The following TCF20 variants were observed in gnomAD, a reference collection of about 807,000 sequenced individuals.
TCF20 encodes the protein transcription factor 20.
In TCF20, 3 loss-of-function variants were observed where a neutral mutation model predicts 148.6. That is an observed-to-expected ratio of 0.02 (90% CI 0.01 to 0.05). The LOEUF is 0.05. TCF20 is among the 10% of genes least tolerant of loss of function. The pLI is 1.00. For missense variants in TCF20, 2,350 were observed against 2,429.3 expected, an observed-to-expected ratio of 0.97 and a Z score of 0.69; for synonymous variants, 1,049 against 909.5, an observed-to-expected ratio of 1.15 and a Z score of -2.76.
At position 42,174,849 on chromosome 22, in the gene TCF20, C is replaced by T. The variant is rs916315047; in HGVS notation, c.5749+4760G>A. ...AGGAGATCGAGACCATCCCGGCTAA[C>T]ACGGTGAAACCCCGTCTCTACTAAA... On this transcript the variant is annotated intron_variant, in intron 3 of 5. Transcript: ENST00000677622. Among the ~76,000 whole-genome samples, 4 of 152,064 alleles carry T rather than the reference C, an allele frequency of 2.6e-5. No homozygotes were observed. The East Asian group carries it at 7.8e-4, about 30-fold the overall frequency.
intron 3 of TCF20, among the ~76,000 whole-genome samples, chr22:42,176,690 C>A (rs755784955): frequency 7.9e-5 from 12 of 152,184 alleles, no homozygotes; most frequent in Admixed American, 3.9e-4. Flanking sequence ...GTCTTAGATA[C>A]ATCTAATGCT....
Position 42,214,367 on chromosome 22 carries a change from C to T in TCF20, c.939G>A (p.Gln313=), listed in dbSNP as rs1252519239. Residue 313 remains glutamine, a synonymous_variant, in exon 2 of 6, where the codon CAG becomes CAA. Transcript: ENST00000677622. The part of the protein sequence containing the change: ...AKIPQGTQQG[Q]QQQQPQQQQH... ...GTTGTTGCTGCGGTTGCTGCTGCTGCTGCCCCTGTTGGGTCCCTTGTGGAA... is the reference window on the plus strand; with the variant it reads ...GTTGTTGCTGCGGTTGCTGCTGCTGTTGCCCCTGTTGGGTCCCTTGTGGAA... 1.2e-6 allele frequency: 2 copies of T among 1,614,228 alleles called. No homozygotes were observed. The highest frequency in any genetic ancestry group is 1.7e-6 in the Non-Finnish European group (2 of 1,180,042).
intron 1 of TCF20, among the ~76,000 whole-genome samples, chr22:42,238,788 T>C (rs1053898713): frequency 1.3e-3 from 194 of 152,360 alleles, no homozygotes; most frequent in African/African-American, 4.4e-3. Context: ...CGCCGTCTTA[T>C]ATGGGAGTGC....
intron 1 of TCF20, among the ~76,000 whole-genome samples, chr22:42,241,297 C>T (rs751881422): frequency 6.6e-6 from 1 of 152,098 alleles, no homozygotes; most frequent in Non-Finnish European, 1.5e-5. Flanking sequence ...GAACAAAGTA[C>T]CATGAGTAAG....
intron 1 of TCF20, among the ~76,000 whole-genome samples, chr22:42,311,293 C>A (rs1263798070): frequency 6.6e-6 from 1 of 152,222 alleles, no homozygotes; most frequent in Non-Finnish European, 1.5e-5. Flanking sequence ...GGCACCAGGC[C>A]CAGGCCCAAG....
intron 1 of TCF20, among the ~76,000 whole-genome samples, chr22:42,224,195 G>C (rs1922635020): frequency 6.6e-6 from 1 of 152,128 alleles, no homozygotes; most frequent in Non-Finnish European, 1.5e-5. Flanking sequence ...TTCCTGGCCA[G>C]GCGCAGTGGC....
At chr22:42,200,895 C>A (rs1312424487) in intron 2 of TCF20, among the ~76,000 whole-genome samples, 1 of 152,150 alleles carries the variant, frequency 6.6e-6, no homozygotes, top group East Asian at 1.9e-4. Flanking sequence ...TTGCACTGCC[C>A]GTAAATTAAA....
chr22:42,246,849 C>T (rs1724203130), intron 1 of TCF20, among the ~76,000 whole-genome samples: 1 of 151,572 alleles, frequency 6.6e-6, no homozygotes, highest in Admixed American at 6.6e-5. Flanking sequence ...GCCTGTAATC[C>T]CAGCTACTTG....
chr22:42,207,526 T>G (rs540971157), intron 2 of TCF20, among the ~76,000 whole-genome samples: 1 of 152,186 alleles, frequency 6.6e-6, no homozygotes, highest in South Asian at 2.1e-4. Context: ...CTTAAAAATA[T>G]AAATCAAGGC....
chr22:42,178,012 G>A (rs576931926), intron 3 of TCF20, among the ~76,000 whole-genome samples: 3 of 152,062 alleles, frequency 2.0e-5, no homozygotes, highest in African/African-American at 7.2e-5. Flanking sequence ...AAGGACAGAG[G>A]GGGTGAAGAT....
rs968030412 is a variant in TCF20 at position 42,317,441 on chromosome 22, C to G, written c.-37+26038G>C. On this transcript the variant is annotated intron_variant, in intron 1 of 1. Coordinates refer to the TCF20 transcript ENST00000515426. The surrounding 1 kb of genome is among the most constrained non-coding windows in gnomAD (Gnocchi z 4.2). ...GATTTAAACACAGATGACGGAAAAT[C>G]TCCTTTTCCTCCCACTATGTCTGGC... Among the ~76,000 whole-genome samples, 17 of 152,196 alleles carry G rather than the reference C, an allele frequency of 1.1e-4. No individual in the cohort carries two copies. Among genetic ancestry groups the G allele is most frequent in the Non-Finnish European group, 2.1e-4 (14 of 68,030 alleles).
intron 1 of TCF20, among the ~76,000 whole-genome samples, chr22:42,245,889 A>G (rs1924860624): frequency 6.6e-6 from 1 of 152,116 alleles, no homozygotes; most frequent in South Asian, 2.1e-4. Context: ...ATGGAATTAC[A>G]GGCATGAGCC....
In TCF20 at chr22:42,211,021, G is replaced by C. The variant is rs769287531; in HGVS notation, c.4285C>G (p.Pro1429Ala). ...PANQELHVEK[P>A]LPRSSEEWRG... ...CACTCTTCTGAAGACCTTGGAAGAGGTTTCTCTACGTGCAACTCCTGGTTT... is the reference window on the plus strand; with the variant it reads ...CACTCTTCTGAAGACCTTGGAAGAGCTTTCTCTACGTGCAACTCCTGGTTT... Residue 1429 changes from proline to alanine, a missense_variant, in exon 2 of 6, where the codon CCT becomes GCT. Physicochemically the swap from Pro to Ala is conservative, Grantham distance 27 (BLOSUM62 -1). Around this residue, in one of 7 missense-constraint regions of TCF20, gnomAD observed 231 missense variants for 213.7 expected, o/e 1.08. Transcript: ENST00000677622. 1 of 1,614,092 alleles carries C rather than the reference G, an allele frequency of 6.2e-7. No homozygotes were observed.
At position 42,213,365 on chromosome 22, in the gene TCF20, G is replaced by C. The variant is rs181781112; in HGVS notation, c.1941C>G (p.Thr647=). 1.2e-6 allele frequency: 2 copies of C among 1,614,172 alleles called. No homozygotes were observed. Among genetic ancestry groups the C allele is most frequent in the African/African-American group, 2.7e-5 (2 of 75,048 alleles). Residue 647 remains threonine, a synonymous_variant, in exon 2 of 6, where the codon ACC becomes ACG. Transcript: ENST00000677622. ...RPPSNGGAKE[T]SHASLPQPEP... is the part of the protein sequence containing the mutation. ...CTGGCTGGGGAAGTGATGCATGACT[G>C]GTTTCCTTTGCCCCACCATTGCTAG...
At chr22:42,254,923 G>A (rs534431159) in intron 1 of TCF20, among the ~76,000 whole-genome samples, 1 of 124,010 alleles carries the variant, frequency 8.1e-6, no homozygotes, top group South Asian at 2.7e-4. Context: ...TGGCACCACT[G>A]CACTCCAGCC....
chr22:42,209,325 T>A (rs111617539), intron 2 of TCF20, among the ~76,000 whole-genome samples: 1 of 152,228 alleles, frequency 6.6e-6, no homozygotes, highest in Non-Finnish European at 1.5e-5. Flanking sequence ...GATGATGATG[T>A]TGATGATCTG....
chr22:42,291,090 C>A (rs1283242091), intron 1 of TCF20, among the ~76,000 whole-genome samples: 4 of 152,154 alleles, frequency 2.6e-5, no homozygotes, highest in Non-Finnish European at 5.9e-5. Context: ...TCACTCCATG[C>A]CCCATCCTTC....
intron 1 of TCF20, among the ~76,000 whole-genome samples, chr22:42,261,982 C>T (rs1449503708): frequency 6.6e-6 from 1 of 152,100 alleles, no homozygotes; most frequent in African/African-American, 2.4e-5. Flanking sequence ...CAGAGCAAGA[C>T]TCCATCTCGA....
chr22:42,217,244 T>G (rs1017626978), intron 1 of TCF20, among the ~76,000 whole-genome samples: 3 of 152,204 alleles, frequency 2.0e-5, no homozygotes, highest in African/African-American at 4.8e-5. Context: ...GTTGCCTTGT[T>G]CCTGGAACAG....
Sources: gnomAD v4.1 joint callset for allele counts (sites outside exome capture counted in the v4.1 genomes callset) on GRCh38, gnomAD v4.1.1 for gene constraint, gnomAD v4.1.1 regional missense constraint, Gnocchi (gnomAD v3.1) non-coding constraint, MANE v1.5 for transcripts, NCBI Gene and HGNC (gene_info 2026-07-23, HGNC 2026-07-21) for gene names.